EVC: variants seen among roughly 807,000 people sequenced by gnomAD.
EVC encodes EvC ciliary complex subunit 1.
In EVC, 116 loss-of-function variants were observed where a neutral mutation model predicts 118.9. That is an observed-to-expected ratio of 0.98 (90% CI 0.84 to 1.14). The LOEUF (loss-of-function observed/expected upper bound fraction) is 1.14, where lower values mean the gene tolerates loss of function less well. Among genes scored for constraint, EVC ranks in the 50% most tolerant of loss-of-function variants. The pLI, the probability that EVC is intolerant of heterozygous loss-of-function variation, is 0.00. For synonymous variants in EVC, 619 were observed against 534.7 expected (o/e 1.16, Z -2.18); for missense variants, 1,401 against 1,246.4 (o/e 1.12, Z -1.87).
At chr4:5,732,032 G>C (rs1229301817) in intron 4 of EVC, among the ~76,000 whole-genome samples, 5 of 152,186 alleles carry the variant, frequency 3.3e-5, no homozygotes, top group African/African-American at 1.2e-4. Context: ...GGGGGATCCT[G>C]GGACAAGTTC....
rs181111846 is a variant in EVC at position 5,736,799 on chromosome 4, C to A, written c.702+3364C>A. On this transcript the variant is annotated intron_variant, in intron 5 of 20. Coordinates refer to ENST00000264956, the MANE Select transcript of EVC (RefSeq NM_153717.3). ...TGTTCTGACTGCTCCACCAACTGGC[C>A]ATTCCCTCTCCTTGGGCCTCCCTAT... Among the ~76,000 whole-genome samples, 140 of 152,302 alleles carry A rather than the reference C, an allele frequency of 9.2e-4. 1 individual carries two copies. The highest frequency in any genetic ancestry group is 1.2e-3 in the Admixed American group (18 of 15,298).
chr4:5,753,809 T>G lies in EVC; in HGVS notation c.1340T>G (p.Leu447Arg), dbSNP rs2152081334. Reference sequence around the variant, plus strand: ...GAGTTTGTCCAGCGAGGCAAAGACCTGGTCACGGCGTCTCTGGCTCACCAG... The same window carrying G: ...GAGTTTGTCCAGCGAGGCAAAGACCGGGTCACGGCGTCTCTGGCTCACCAG... ...SREFVQRGKD[L>R]VTASLAHQVE... The change falls in exon 10 of 21, where the codon CTG (leucine) becomes CGG (arginine). Residue 447 changes from leucine (L) to arginine (R), a missense_variant. By Grantham distance (102) the Leu-to-Arg change is moderately radical (BLOSUM62 -2). Coordinates refer to ENST00000264956, the MANE Select transcript of EVC (RefSeq NM_153717.3). The G allele has an allele frequency of 6.2e-7, 1 of 1,614,106 alleles. No individual in the cohort carries two copies. The highest frequency in any genetic ancestry group is 2.2e-5 in the East Asian group (1 of 44,854).
At position 5,797,011 on chromosome 4, in the gene EVC, T is replaced by G. The variant is rs1427962399; in HGVS notation, c.1887-11T>G. 6.2e-7 allele frequency: 1 copy of G among 1,608,270 alleles called. No homozygotes were observed. Among genetic ancestry groups the G allele is most frequent in the Non-Finnish European group, 8.5e-7 (1 of 1,175,572 alleles). On this transcript the variant is annotated splice_polypyrimidine_tract_variant and intron_variant, in intron 13 of 20. Coordinates refer to ENST00000264956, the MANE Select transcript of EVC (RefSeq NM_153717.3). ...AGCATTGACCCCACCCCTCACCTGC[T>G]TTCCTCAAAGGTCCACGCGGTGTGT... is the stretch of plus-strand genomic sequence containing the variant.
the EVC span, among the ~76,000 whole-genome samples, chr4:5,823,477 C>T: frequency 1.3e-5 from 2 of 152,164 alleles, no homozygotes; most frequent in Admixed American, 1.3e-4. Flanking sequence ...GGACTTTTGT[C>T]CCCCAAAACT....
chr4:5,733,289 T>G, intron 4 of EVC, 62 bp from the exon 5 acceptor site: 1 of 1,390,264 alleles, frequency 7.2e-7, no homozygotes, highest in Non-Finnish European at 1.0e-6. Flanking sequence ...GACGTGCCAA[T>G]ATTCTTACTC....
At position 5,711,500 on chromosome 4, in the gene EVC, C is replaced by T. The variant is rs1407286365; in HGVS notation, c.120C>T (p.Leu40=). 2 of 1,145,596 alleles carry T rather than the reference C, an allele frequency of 1.7e-6. No homozygotes were observed. The highest frequency in any genetic ancestry group is 1.6e-5 in the African/African-American group (1 of 61,000). 71.0% of individuals were successfully genotyped at this position (1,145,596 alleles called of 1,614,324 possible). ...TGCTGCTGGGCGCCGCGCTCGGCCT[C>T]GGCCTCGGCCTTTGGCTTGGCTGCC... ...PAVLLGAALG[L]GLGLWLGCRA... The change falls in exon 1 of 21, where the codon CTC becomes CTT. Residue 40 remains leucine, a synonymous_variant. Coordinates refer to ENST00000264956, the MANE Select transcript of EVC (RefSeq NM_153717.3).
chr4:5,808,354 A>G (rs763712477), intron 18 of EVC, 27 bp downstream of exon 18: 1 of 1,614,096 alleles, frequency 6.2e-7, no homozygotes, highest in Non-Finnish European at 8.5e-7. Flanking sequence ...TGGACCTTCC[A>G]AAAGCAGTGG....
intron 16 of EVC, among the ~76,000 whole-genome samples, chr4:5,804,122 G>C (rs1445574943): frequency 6.6e-6 from 1 of 152,116 alleles, no homozygotes; most frequent in African/African-American, 2.4e-5. Context: ...ACTTTTAGTA[G>C]AGACAGGGTT....
chr4:5,765,814 G>T (rs1469594496), intron 11 of EVC, among the ~76,000 whole-genome samples: 1 of 150,366 alleles, frequency 6.7e-6, no homozygotes, highest in African/African-American at 2.5e-5. Flanking sequence ...CGTGAGATGG[G>T]TTTCCTGAGT....
chr4:5,810,892 T>A (rs543652474), intron 20 of EVC, 61 bp from the exon 21 acceptor site: 4 of 1,441,144 alleles, frequency 2.8e-6, no homozygotes, highest in Non-Finnish European at 3.9e-6. Flanking sequence ...GGGTAAGTTA[T>A]GGCATCATGA....
At chr4:5,761,412 A>G (rs951815179) in intron 11 of EVC, among the ~76,000 whole-genome samples, 2 of 151,668 alleles carry the variant, frequency 1.3e-5, no homozygotes, top group Non-Finnish European at 2.9e-5. Flanking sequence ...GTGCACCTGG[A>G]AAAACGCAAG....
rs900856703 is a variant in EVC, at chr4:5,771,879, TTTTTA to T, written c.1564-11655_1564-11651del. ...CAGTAACCAGCTAACGGAATGTGGC[TTTTTA>T]TTTTATTTTATTTTATTATTATTAT... On this transcript the variant is annotated intron_variant, in intron 11 of 20. Transcript: ENST00000264956. Among the ~76,000 whole-genome samples the T allele has an allele frequency of 3.3e-4, 49 of 146,830 alleles. 1 individual carries two copies. Among genetic ancestry groups the T allele is most frequent in the South Asian group, 1.1e-3 (5 of 4,744 alleles).
At chr4:5,822,725 G>A in the EVC span, among the ~76,000 whole-genome samples, 9 of 152,224 alleles carry the variant, frequency 5.9e-5, no homozygotes, top group Admixed American at 5.9e-4. Context: ...CGGAACTGAG[G>A]AAAATCAAAA....
chr4:5,785,384 G>T (rs1432633418), intron 12 of EVC, among the ~76,000 whole-genome samples: 1 of 151,012 alleles, frequency 6.6e-6, no homozygotes, highest in African/African-American at 2.4e-5. Context: ...GTTTCTTTAA[G>T]TTGGGTTTGC....
intron 1 of EVC, among the ~76,000 whole-genome samples, chr4:5,715,739 T>C (rs868473374): frequency 0.011 from 1,222 of 108,234 alleles, 32 homozygotes; most frequent in African/African-American, 0.045. Context: ...TTTTCCATTG[T>C]CTTTTTTTTT....
rs141310486 is a variant in EVC, at chr4:5,746,190, G to C, written c.939+849G>C. Among the ~76,000 whole-genome samples the C allele has an allele frequency of 1.3e-5, 2 of 152,212 alleles. No individual in the cohort carries two copies. The highest frequency in any genetic ancestry group is 1.3e-4 in the Admixed American group (2 of 15,288). ...CGAGATGGGAGTGTCTATTGCCAGC[G>C]AGGTGGGAGTCACTGAAGCTTTGAA... is the stretch of plus-strand genomic sequence containing the variant. On this transcript the variant is annotated intron_variant, in intron 7 of 20. Coordinates refer to ENST00000264956, the MANE Select transcript of EVC (RefSeq NM_153717.3). This position sits in a 1 kb window ranked among gnomAD's most constrained non-coding sequence, Gnocchi z 5.8.
At chr4:5,711,591 C>T in intron 1 of EVC, 37 bp downstream of exon 1, 2 of 1,166,980 alleles carry the variant, frequency 1.7e-6, no homozygotes, top group Non-Finnish European at 2.1e-6. Flanking sequence ...GGGCGGGGAG[C>T]GCGGGGCGCG....
intron 2 of EVC, among the ~76,000 whole-genome samples, chr4:5,728,207 A>G (rs1726182867): frequency 2.6e-5 from 4 of 152,240 alleles, no homozygotes; most frequent in Admixed American, 2.6e-4. Context: ...ACCCATGAGC[A>G]TGGAATGTTC....
At position 5,720,488 on chromosome 4, in the gene EVC, C is replaced by G. The variant is rs183415950; in HGVS notation, c.300+1115C>G. On this transcript the variant is annotated intron_variant, in intron 2 of 20. Coordinates refer to ENST00000264956, the MANE Select transcript of EVC (RefSeq NM_153717.3). ...CCACACCCAACTTCTAGCCTCTGCT[C>G]CTTTCCAACCTGTTCCATCCTGTTC... Among the ~76,000 whole-genome samples, 7 of 151,788 alleles carry G rather than the reference C, an allele frequency of 4.6e-5. 1 individual carries two copies. The highest frequency in any genetic ancestry group is 7.3e-5 in the Non-Finnish European group (5 of 68,034).
Sources: allele counts gnomAD v4.1 joint callset (sites outside exome capture counted in the v4.1 genomes callset), GRCh38; gene constraint gnomAD v4.1.1; non-coding constraint Gnocchi (gnomAD v3.1); transcripts MANE v1.5; gene names NCBI Gene and HGNC (gene_info 2026-07-23, HGNC 2026-07-21).